PRSS8: variants seen among roughly 807,000 people sequenced by gnomAD.
PRSS8 encodes the protein prostasin.
Under a neutral mutation model 26.7 loss-of-function variants are expected in PRSS8, and 11 were observed. The ratio of observed to expected loss-of-function variants is 0.41; its 90% CI spans 0.26 to 0.68. The LOEUF (loss-of-function observed/expected upper bound fraction) is 0.68. Ranked by LOEUF, PRSS8 falls within the 30% of genes least tolerant of loss-of-function variation. PRSS8 has a pLI of 0.30. For missense variants in PRSS8, 362 were observed against 443.5 expected (o/e 0.82, Z 1.65); for synonymous variants, 183 against 187.0 (o/e 0.98, Z 0.17).
Position 31,131,935 on chromosome 16 carries a change from G to C in PRSS8, c.*74C>G, listed in dbSNP as rs1373797073. ...AGGAGTGGCTCAAGTCAGGCCCTGG[G>C]TCCAAAGGCCATCAGGGAAGGACCA... On this transcript the variant is annotated 3_prime_UTR_variant, in exon 6 of 6. Coordinates refer to ENST00000317508, the MANE Select transcript of PRSS8 (RefSeq NM_002773.5). 1.4e-6 allele frequency: 2 copies of C among 1,434,282 alleles called. No individual in the cohort carries two copies. Among genetic ancestry groups the C allele is most frequent in the East Asian group, 5.0e-5 (2 of 40,156 alleles). The allele number at this position is 1,434,282 out of a possible 1,614,324, so 88.8% of individuals were successfully genotyped here. A position where few individuals can be genotyped will look rare whatever the true frequency, so the allele number is the denominator to read the frequency against.
rs909779070 is a variant in PRSS8 at position 31,131,824 on chromosome 16, C to G, written c.*185G>C. Reference sequence around the variant, plus strand: ...GCTACAGGCAGTAAAACTCCTGACTCTCAGTGATGGTCCCAAAAAGCACAC... The same window carrying G: ...GCTACAGGCAGTAAAACTCCTGACTGTCAGTGATGGTCCCAAAAAGCACAC... On this transcript the variant is annotated 3_prime_UTR_variant, in exon 6 of 6. Coordinates refer to ENST00000317508, the MANE Select transcript of PRSS8 (RefSeq NM_002773.5). 6.2e-6 allele frequency: 4 copies of G among 647,004 alleles called. No homozygotes were observed. The highest frequency in any genetic ancestry group is 5.5e-5 in the East Asian group (2 of 36,128). 40.1% of individuals were successfully genotyped at this position (647,004 alleles called of 1,614,324 possible). A position where few individuals can be genotyped will look rare whatever the true frequency, so the allele number is the denominator to read the frequency against.
chr16:31,132,776 G>T lies in PRSS8; in HGVS notation c.444C>A (p.Arg148=). ...LQLSRPITFS[R]YIRPICLPAA... ...CAGGGAGGCAGATGGGCCGGATGTA[G>T]CGGGAGAAGGTGATGGGTCTGCTGA... The change falls in exon 4 of 6, where the codon CGC becomes CGA. Residue 148 remains arginine (R), a synonymous_variant. Coordinates refer to ENST00000317508, the MANE Select transcript of PRSS8 (RefSeq NM_002773.5). This position sits in a 1 kb window ranked among gnomAD's most constrained non-coding sequence, Gnocchi z 5.2. 1 of 1,613,990 alleles carries T rather than the reference G, an allele frequency of 6.2e-7. No homozygotes were observed. The highest frequency in any genetic ancestry group is 8.5e-7 in the Non-Finnish European group (1 of 1,179,882).
At chr16:31,135,301 G>T (rs757397053) in intron 1 of PRSS8, 113 bp downstream of exon 1, 6 of 1,580,226 alleles carry the variant, frequency 3.8e-6, no homozygotes, top group African/African-American at 1.3e-5. Flanking sequence ...GAGGCCAAGA[G>T]CTAGGGAGGC....
Position 31,132,433 on chromosome 16 carries a change from C to T in PRSS8, c.701G>A (p.Cys234Tyr), listed in dbSNP as rs1295742558. Residue 234 changes from cysteine to tyrosine, a missense_variant, in exon 5 of 6, where the codon TGC becomes TAC. By Grantham distance (194) the Cys-to-Tyr change is radical (BLOSUM62 -2). Coordinates refer to ENST00000317508, the MANE Select transcript of PRSS8 (RefSeq NM_002773.5). This position sits in a 1 kb window ranked among gnomAD's most constrained non-coding sequence, Gnocchi z 5.2. ...GCCCCCCGGGCCTGTGCTTACCTGG[C>T]AGGCGTCCTTGCCCCCCTCCACATA... ...AGYVEGGKDA[C>Y]QGDSGGPLSC... 6.2e-7 allele frequency: 1 copy of T among 1,613,662 alleles called. No homozygotes were observed. Among genetic ancestry groups the T allele is most frequent in the East Asian group, 2.2e-5 (1 of 44,878 alleles).
Position 31,135,146 on chromosome 16 carries a change from A to G in PRSS8, c.103+8T>C, listed in dbSNP as rs759395834. ...CCTCCCCTCCTCCCTCTCCGAGGAA[A>G]GTCTCACCTTCTGCCCCTTCCGCTC... On this transcript the variant is annotated splice_region_variant and intron_variant, in intron 2 of 5. Transcript: ENST00000317508. 1.2e-6 allele frequency: 2 copies of G among 1,612,500 alleles called. No individual in the cohort carries two copies. Among genetic ancestry groups the G allele is most frequent in the South Asian group, 2.2e-5 (2 of 90,612 alleles).
Position 31,132,575 on chromosome 16 carries a change from G to T in PRSS8, c.559C>A (p.Pro187Thr). 2 of 1,614,046 alleles carry T rather than the reference G, an allele frequency of 1.2e-6. No individual in the cohort carries two copies. The highest frequency in any genetic ancestry group is 8.5e-7 in the Non-Finnish European group (1 of 1,179,882). The change falls in exon 5 of 6, where the codon CCA (proline) becomes ACA (threonine). Residue 187 changes from proline to threonine, a missense_variant. Coordinates refer to ENST00000317508, the MANE Select transcript of PRSS8 (RefSeq NM_002773.5). The surrounding 1 kb of genome is among the most constrained non-coding windows in gnomAD (Gnocchi z 5.2). ...APSVSLLTPKPLQQLEVPLIS... is the reference protein window; with the variant it reads ...APSVSLLTPKTLQQLEVPLIS... The stretch of plus-strand genomic sequence containing the variant: ...AGAGGCACCTCGAGTTGCTGCAGTG[G>T]CTTGGGCGTCAGGAGGCTCACTGTG...
In PRSS8 at chr16:31,135,143, G is replaced by A. The variant is rs371273530; in HGVS notation, c.103+11C>T. The A allele has an allele frequency of 9.3e-6, 15 of 1,612,230 alleles. No homozygotes were observed. The Admixed American group carries it at 1.3e-4, about 14-fold the overall frequency. On this transcript the variant is annotated intron_variant, in intron 2 of 5. Coordinates refer to ENST00000317508, the MANE Select transcript of PRSS8 (RefSeq NM_002773.5). The stretch of plus-strand genomic sequence containing the variant: ...CCCCCTCCCCTCCTCCCTCTCCGAG[G>A]AAAGTCTCACCTTCTGCCCCTTCCG...
rs1350219567 is a variant in PRSS8 at position 31,133,292 on chromosome 16, A to T, written c.200T>A (p.Val67Asp). 8 of 1,613,962 alleles carry T rather than the reference A, an allele frequency of 5.0e-6. No individual in the cohort carries two copies. Among genetic ancestry groups the T allele is most frequent in the Non-Finnish European group, 6.8e-6 (8 of 1,179,882 alleles). The change falls in exon 3 of 6, where the codon GTC becomes GAC. Residue 67 changes from valine to aspartate, a missense_variant. Val to Asp is a radical substitution (Grantham distance 152). Coordinates refer to ENST00000317508, the MANE Select transcript of PRSS8 (RefSeq NM_002773.5). This position sits in a 1 kb window ranked among gnomAD's most constrained non-coding sequence, Gnocchi z 4.7. Reference protein sequence around the residue: ...PWQVSITYEGVHVCGGSLVSE... With the variant: ...PWQVSITYEGDHVCGGSLVSE... ...CACGAGAGAGCCACCACACACATGG[A>T]CGCCTTCATAGGTGATGCTGACCTG...
In PRSS8 at chr16:31,134,937, G is replaced by A. The variant is rs1343716343; in HGVS notation, c.103+217C>T. ...TGCCCCACTTTGGGAGTCAGACGTG[G>A]ATCTGAATCCCAGCTGCACCTTCAC... On this transcript the variant is annotated intron_variant, in intron 2 of 5. Transcript: ENST00000317508. 5 of 604,310 alleles carry A rather than the reference G, an allele frequency of 8.3e-6. No homozygotes were observed. In the African/African-American group the frequency reaches 9.3e-5, roughly 11 times the overall value. The allele number at this position is 604,310 out of a possible 1,614,324, so 37.4% of individuals were successfully genotyped here.
chr16:31,135,022 C>A, intron 2 of PRSS8, 132 bp downstream of exon 2: 1 of 1,160,648 alleles, frequency 8.6e-7, no homozygotes, highest in Non-Finnish European at 1.2e-6. Flanking sequence ...GCTAAAACCC[C>A]CCACTCTGGG....
Position 31,132,600 on chromosome 16 carries a change from G to T in PRSS8, c.539-5C>A, listed in dbSNP as rs1287850994. On this transcript the variant is annotated splice_region_variant and splice_polypyrimidine_tract_variant and intron_variant, in intron 4 of 5. Coordinates refer to ENST00000317508, the MANE Select transcript of PRSS8 (RefSeq NM_002773.5). This position sits in a 1 kb window ranked among gnomAD's most constrained non-coding sequence, Gnocchi z 5.2. ...GCTTGGGCGTCAGGAGGCTCACTGT[G>T]GGGGTAAAAGAGGCTTACCCTGGGC... 6.2e-7 allele frequency: 1 copy of T among 1,613,924 alleles called. No individual in the cohort carries two copies. Among genetic ancestry groups the T allele is most frequent in the Admixed American group, 1.7e-5 (1 of 60,030 alleles).
chr16:31,131,762 G>C lies in PRSS8; in HGVS notation c.*247C>G. ...CCCCAGGAGCTCGGCCAATGGGCTG[G>C]TCCATGGTGGGTGAGGGGCCAGAGG... is the stretch of plus-strand genomic sequence containing the variant. On this transcript the variant is annotated 3_prime_UTR_variant, in exon 6 of 6. Coordinates refer to ENST00000317508, the MANE Select transcript of PRSS8 (RefSeq NM_002773.5). 1 of 518,894 alleles carries C rather than the reference G, an allele frequency of 1.9e-6. No individual in the cohort carries two copies. The highest frequency in any genetic ancestry group is 2.9e-5 in the South Asian group (1 of 34,284). The allele number at this position is 518,894 out of a possible 1,614,324, so 32.1% of individuals were successfully genotyped here. A position where few individuals can be genotyped will look rare whatever the true frequency, so the allele number is the denominator to read the frequency against.
intron 1 of PRSS8, 31 bp from the exon 2 acceptor site, chr16:31,135,202 T>C: frequency 1.9e-6 from 3 of 1,612,300 alleles, no homozygotes; most frequent in Non-Finnish European, 1.7e-6. Flanking sequence ...GAGGGGTGAG[T>C]AGGGAAGACT....
chr16:31,132,866 C>T lies in PRSS8; in HGVS notation c.354G>A (p.Lys118=). ...GGTAGCTGGGGTGGGGGATGATGTC[C>T]TTCAGGGTGCTGACCTTGGCGTCCT... is the stretch of plus-strand genomic sequence containing the variant. ...YSEDAKVSTL[K]DIIPHPSYLQ... The change falls in exon 4 of 6, where the codon AAG becomes AAA. Residue 118 remains lysine (K), a synonymous_variant. Coordinates refer to ENST00000317508, the MANE Select transcript of PRSS8 (RefSeq NM_002773.5). This position sits in a 1 kb window ranked among gnomAD's most constrained non-coding sequence, Gnocchi z 5.2. 1.2e-6 allele frequency: 2 copies of T among 1,613,830 alleles called. No homozygotes were observed. Among genetic ancestry groups the T allele is most frequent in the Non-Finnish European group, 1.7e-6 (2 of 1,179,828 alleles).
chr16:31,132,237 A>G lies in PRSS8; in HGVS notation c.804T>C (p.Pro268=). The part of the protein sequence containing the change: ...WGDACGARNR[P]GVYTLASSYA... ...AGCTGGAGGCCAGAGTGTACACACCAGGCCTGTTGCGGGCCCCACAGGCAT... is the reference window on the plus strand; with the variant it reads ...AGCTGGAGGCCAGAGTGTACACACCGGGCCTGTTGCGGGCCCCACAGGCAT... The change falls in exon 6 of 6, where the codon CCT becomes CCC. Residue 268 remains proline (P), a synonymous_variant. Transcript: ENST00000317508. The surrounding 1 kb of genome is among the most constrained non-coding windows in gnomAD (Gnocchi z 5.2). The G allele has an allele frequency of 6.2e-7, 1 of 1,613,734 alleles. No individual in the cohort carries two copies.
Position 31,133,748 on chromosome 16 carries a change from G to C in PRSS8, c.104-360C>G, listed in dbSNP as rs1188902905. Among the ~76,000 whole-genome samples the C allele has an allele frequency of 6.6e-6, 1 of 152,134 alleles. No homozygotes were observed. The highest frequency in any genetic ancestry group is 1.5e-5 in the Non-Finnish European group (1 of 68,024). On this transcript the variant is annotated intron_variant, in intron 2 of 5. Transcript: ENST00000317508. The surrounding 1 kb of genome is among the most constrained non-coding windows in gnomAD (Gnocchi z 4.7). ...CCATCGGACCCAGCCGTCCCCTCTG[G>C]ACCCTTCAGTTGTGTACATCAGGCC... is the stretch of plus-strand genomic sequence containing the variant.
At position 31,131,777 on chromosome 16, in the gene PRSS8, G is replaced by T; in HGVS notation, c.*232C>A. On this transcript the variant is annotated 3_prime_UTR_variant, in exon 6 of 6. Coordinates refer to ENST00000317508, the MANE Select transcript of PRSS8 (RefSeq NM_002773.5). ...CAATGGGCTGGTCCATGGTGGGTGAGGGGCCAGAGGCTCTGGCCATTGCTA... is the reference window on the plus strand; with the variant it reads ...CAATGGGCTGGTCCATGGTGGGTGATGGGCCAGAGGCTCTGGCCATTGCTA... The T allele has an allele frequency of 1.9e-6, 1 of 531,714 alleles. No individual in the cohort carries two copies. Among genetic ancestry groups the T allele is most frequent in the Non-Finnish European group, 3.3e-6 (1 of 302,650 alleles). The allele number at this position is 531,714 out of a possible 1,614,324, so 32.9% of individuals were successfully genotyped here.
Position 31,133,128 on chromosome 16 carries a change from T to C in PRSS8, c.266+98A>G. On this transcript the variant is annotated intron_variant, in intron 3 of 5. Coordinates refer to ENST00000317508, the MANE Select transcript of PRSS8 (RefSeq NM_002773.5). The surrounding 1 kb of genome is among the most constrained non-coding windows in gnomAD (Gnocchi z 4.7). ...TAACTGGTCCTTCCAGACTTAGAAC[T>C]GACACTCTCAGACCCAACCCAAGAA... 1 of 1,591,210 alleles carries C rather than the reference T, an allele frequency of 6.3e-7. No homozygotes were observed. The highest frequency in any genetic ancestry group is 8.6e-7 in the Non-Finnish European group (1 of 1,167,412).
chr16:31,132,378 G>A lies in PRSS8; in HGVS notation c.706-43C>T. 6.2e-7 allele frequency: 1 copy of A among 1,613,922 alleles called. No individual in the cohort carries two copies. ...ACAGCAGCCATCAGGACCGGGCCAG[G>A]CCTCCTTTCCGAAGTTGCACTGGTC... On this transcript the variant is annotated intron_variant, in intron 5 of 5. Transcript: ENST00000317508. This position sits in a 1 kb window ranked among gnomAD's most constrained non-coding sequence, Gnocchi z 5.2.
Sources: allele counts gnomAD v4.1 joint callset (sites outside exome capture counted in the v4.1 genomes callset), GRCh38; gene constraint gnomAD v4.1.1; non-coding constraint Gnocchi (gnomAD v3.1); transcripts MANE v1.5; gene names NCBI Gene and HGNC (gene_info 2026-07-23, HGNC 2026-07-21).